The following NPNT variants were observed in gnomAD, a reference collection of about 807,000 sequenced individuals.
NPNT encodes the protein nephronectin.
Under a neutral mutation model 68.6 loss-of-function variants are expected in NPNT, and 45 were observed. That is an observed-to-expected ratio of 0.66 (90% CI 0.52 to 0.84). The LOEUF (loss-of-function observed/expected upper bound fraction) is 0.84. Ranked by LOEUF, NPNT falls within the 40% of genes least tolerant of loss-of-function variation. The pLI is 0.00. For synonymous variants in NPNT, 233 were observed against 253.3 expected (o/e 0.92, Z 0.76); for missense variants, 672 against 714.8 (o/e 0.94, Z 0.68).
intron 2 of NPNT, among the ~76,000 whole-genome samples, chr4:105,914,417 TATA>T (rs1310091298): frequency 7.3e-6 from 1 of 137,540 alleles, no homozygotes; most frequent in Non-Finnish European, 1.5e-5. Flanking sequence ...TATTATATAT[TATA>T]ATATATATAT....
intron 7 of NPNT, among the ~76,000 whole-genome samples, 200 bp from the exon 8 acceptor site, chr4:105,942,105 CTG>C (rs143566124): frequency 0.029 from 4,196 of 146,818 alleles, 54 homozygotes; most frequent in Middle Eastern, 0.036. Flanking sequence ...ATGTGTGTGT[CTG>C]TGTGTGTGTA....
Position 105,969,048 on chromosome 4 carries a change from A to G in NPNT, c.*58A>G. 1 of 1,108,836 alleles carries G rather than the reference A, an allele frequency of 9.0e-7. No homozygotes were observed. Among genetic ancestry groups the G allele is most frequent in the Non-Finnish European group, 1.4e-6 (1 of 736,536 alleles). 68.7% of individuals were successfully genotyped at this position (1,108,836 alleles called of 1,614,324 possible). On this transcript the variant is annotated 3_prime_UTR_variant, in exon 12 of 12. Coordinates refer to ENST00000379987, the MANE Select transcript of NPNT (RefSeq NM_001033047.3). ...GCTCTATCCTCTTTTTCCAATTCTCATCTTCTCTCCTCTTCTCCCTTTTAT... is the reference window on the plus strand; with the variant it reads ...GCTCTATCCTCTTTTTCCAATTCTCGTCTTCTCTCCTCTTCTCCCTTTTAT...
At chr4:105,922,100 C>CT (rs1560903864) in intron 2 of NPNT, among the ~76,000 whole-genome samples, 1 of 152,004 alleles carries the variant, frequency 6.6e-6, no homozygotes, top group East Asian at 1.9e-4. Flanking sequence ...TAAAGATAAT[C>CT]TTATTTCTAT....
intron 2 of NPNT, among the ~76,000 whole-genome samples, chr4:105,899,799 GTATT>G (rs1726247314): frequency 1.3e-5 from 2 of 152,170 alleles, no homozygotes; most frequent in Non-Finnish European, 2.9e-5. Flanking sequence ...TTCCTTCTGT[GTATT>G]TTATTTTTCC....
chr4:105,912,363 G>A, intron 2 of NPNT: 1 of 684,324 alleles, frequency 1.5e-6, no homozygotes, highest in Non-Finnish European at 2.4e-6. Context: ...TTCTTTTTAG[G>A]AAAACTATAT....
At chr4:105,898,678 C>G (rs1451850180) in intron 2 of NPNT, among the ~76,000 whole-genome samples, 1 of 152,056 alleles carries the variant, frequency 6.6e-6, no homozygotes, top group Non-Finnish European at 1.5e-5. Flanking sequence ...GTAATAAGTA[C>G]CAAATCAGAA....
intron 3 of NPNT, among the ~76,000 whole-genome samples, chr4:105,935,487 T>A (rs1729426135): frequency 6.6e-6 from 1 of 152,214 alleles, no homozygotes; most frequent in African/African-American, 2.4e-5. Context: ...CAGTCATTCT[T>A]CCTTGATTTT....
intron 2 of NPNT, among the ~76,000 whole-genome samples, chr4:105,905,555 G>T (rs2149322271): frequency 6.6e-6 from 1 of 151,938 alleles, no homozygotes; most frequent in Admixed American, 6.5e-5. Flanking sequence ...ACTACGTTTT[G>T]GAAAGCAGTC....
At chr4:105,955,864 T>C (rs1731188020) in intron 8 of NPNT, among the ~76,000 whole-genome samples, 2 of 152,086 alleles carry the variant, frequency 1.3e-5, no homozygotes, top group Non-Finnish European at 2.9e-5. Flanking sequence ...AGTAATCCCA[T>C]ACTGGTATGT....
intron 2 of NPNT, among the ~76,000 whole-genome samples, chr4:105,898,342 C>CTCTG (rs1726101025): frequency 7.4e-6 from 1 of 134,252 alleles, no homozygotes; most frequent in Non-Finnish European, 1.6e-5. Context: ...CTCTCTCTCT[C>CTCTG]TCTCTCTCTC....
chr4:105,938,241 T>G (rs928806788), intron 4 of NPNT, 60 bp from the exon 5 acceptor site: 1 of 1,568,558 alleles, frequency 6.4e-7, no homozygotes, highest in Admixed American at 1.8e-5. Context: ...AAAACATAGC[T>G]ATTTCCATTA....
At chr4:105,901,289 G>C (rs1354877264) in intron 2 of NPNT, among the ~76,000 whole-genome samples, 3 of 152,074 alleles carry the variant, frequency 2.0e-5, no homozygotes, top group East Asian at 3.8e-4. Context: ...ACCTGAATAG[G>C]TGTCTAACAT....
intron 2 of NPNT, among the ~76,000 whole-genome samples, chr4:105,900,949 T>C (rs1726366734): frequency 6.6e-6 from 1 of 152,106 alleles, no homozygotes; most frequent in Non-Finnish European, 1.5e-5. Flanking sequence ...TTTACTTTTA[T>C]TGACTATTGA....
chr4:105,912,946 C>A (rs946020375), intron 2 of NPNT, among the ~76,000 whole-genome samples: 4 of 152,170 alleles, frequency 2.6e-5, no homozygotes, highest in African/African-American at 9.7e-5. Context: ...TGGCTTACTG[C>A]AAACTCCGCC....
intron 10 of NPNT, 106 bp downstream of exon 10, chr4:105,959,232 CTTGATAA>C: frequency 4.3e-6 from 3 of 704,148 alleles, no homozygotes; most frequent in Non-Finnish European, 7.5e-6. Context: ...TCTGTGTTTA[CTTGATAA>C]AGATGGTCAA....
At chr4:105,918,529 T>C (rs1020623108) in intron 2 of NPNT, among the ~76,000 whole-genome samples, 1 of 152,214 alleles carries the variant, frequency 6.6e-6, no homozygotes, top group Non-Finnish European at 1.5e-5. Flanking sequence ...CTATTATATT[T>C]CCTTTTTGAA....
intron 10 of NPNT, among the ~76,000 whole-genome samples, chr4:105,959,910 A>G (rs935379331): frequency 1.3e-5 from 2 of 151,466 alleles, no homozygotes; most frequent in Non-Finnish European, 2.9e-5. Context: ...CCTGGGTTCA[A>G]TGAATTCTCC....
intron 8 of NPNT, among the ~76,000 whole-genome samples, chr4:105,950,916 C>T (rs1178259916): frequency 1.3e-5 from 2 of 152,190 alleles, no homozygotes; most frequent in African/African-American, 2.4e-5. Context: ...AGGCACTGTG[C>T]CTGGCTGTTC....
chr4:105,903,073 A>C (rs898042041), intron 2 of NPNT, among the ~76,000 whole-genome samples: 1 of 152,090 alleles, frequency 6.6e-6, no homozygotes, highest in Non-Finnish European at 1.5e-5. Context: ...TGCCACAGGG[A>C]TATGCTGCTT....
Sources: allele counts gnomAD v4.1 joint callset (sites outside exome capture counted in the v4.1 genomes callset), GRCh38; gene constraint gnomAD v4.1.1; transcripts MANE v1.5; gene names NCBI Gene and HGNC (gene_info 2026-07-23, HGNC 2026-07-21).